Variants in COLEC12 observed in about 807,000 individuals in gnomAD.
The protein encoded by COLEC12 is collectin subfamily member 12, also known as collectin-12.
Under a neutral mutation model 71.1 loss-of-function variants are expected in COLEC12, and 33 were observed. The observed-to-expected ratio is 0.46, with a 90% confidence interval of 0.35 to 0.62. The LOEUF (loss-of-function observed/expected upper bound fraction) is 0.62, where lower values mean the gene tolerates loss of function less well. COLEC12 is among the 20% of genes least tolerant of loss of function. The pLI, the probability that COLEC12 is intolerant of heterozygous loss-of-function variation, is 0.00. For synonymous variants in COLEC12, 350 were observed against 353.0 expected (o/e 0.99, Z 0.10); for missense variants, 765 against 916.1 (o/e 0.84, Z 2.13).
chr18:498,357 T>TTTTTCTTTTC, intron 1 of COLEC12, among the ~76,000 whole-genome samples: 1 of 144,420 alleles, frequency 6.9e-6, no homozygotes, highest in South Asian at 2.2e-4. Context: ...ATGGAATATT[T>TTTTTCTTTTC]TTTTTCTTTT....
rs549717375 is a variant in COLEC12 at position 391,058 on chromosome 18, G to A, written c.59-33536C>T. ...TTTTTTTACAAAAACCTGAATTTCCGGTTTTATTACAAAGCCATTTCTAAA... is the reference window on the plus strand; with the variant it reads ...TTTTTTTACAAAAACCTGAATTTCCAGTTTTATTACAAAGCCATTTCTAAA... On this transcript the variant is annotated intron_variant, in intron 2 of 9. Coordinates refer to ENST00000400256, the MANE Select transcript of COLEC12 (RefSeq NM_130386.3). 1.8e-3 allele frequency among the ~76,000 whole-genome samples: 278 copies of A among 152,208 alleles called. 2 individuals carry two copies. Among genetic ancestry groups the A allele is most frequent in the Non-Finnish European group, 3.5e-3 (239 of 68,022 alleles).
chr18:480,642 C>G lies in COLEC12; in HGVS notation c.58+65G>C, dbSNP rs1917395687. 1.4e-6 allele frequency: 2 copies of G among 1,427,738 alleles called. No homozygotes were observed. Among genetic ancestry groups the G allele is most frequent in the Admixed American group, 3.3e-5 (2 of 59,828 alleles). The allele number at this position is 1,427,738 out of a possible 1,614,324, so 88.4% of individuals were successfully genotyped here. On this transcript the variant is annotated intron_variant, in intron 2 of 9. Coordinates refer to ENST00000400256, the MANE Select transcript of COLEC12 (RefSeq NM_130386.3). The surrounding 1 kb of genome is among the most constrained non-coding windows in gnomAD (Gnocchi z 4.1). The stretch of plus-strand genomic sequence containing the variant: ...CCTGCCAGTGGCCTGCCAATGGTCT[C>G]TGAGGGTTCGTGGCTGCATCCCAGG...
chr18:349,264 G>A lies in COLEC12; in HGVS notation c.182-1101C>T, dbSNP rs150438045. Among the ~76,000 whole-genome samples the A allele has an allele frequency of 4.6e-3, 694 of 152,352 alleles. 7 individuals are homozygous for A. The highest frequency in any genetic ancestry group is 0.015 in the African/African-American group (614 of 41,578). Reference sequence around the variant, plus strand: ...CTTCCCAGCCACTCCAGCCATGGCTGAAAGGGGCCAATGTGGAGCTGGGGC... The same window carrying A: ...CTTCCCAGCCACTCCAGCCATGGCTAAAAGGGGCCAATGTGGAGCTGGGGC... On this transcript the variant is annotated intron_variant, in intron 3 of 9. Transcript: ENST00000400256.
At chr18:338,438 C>T (rs529826029) in intron 5 of COLEC12, among the ~76,000 whole-genome samples, 38 of 152,274 alleles carry the variant, frequency 2.5e-4, no homozygotes, top group African/African-American at 8.7e-4. Context: ...CCTGGTGCCC[C>T]GCATCTTATA....
chr18:384,525 G>C (rs566836508), intron 2 of COLEC12, among the ~76,000 whole-genome samples: 2 of 152,306 alleles, frequency 1.3e-5, no homozygotes, highest in South Asian at 2.1e-4. Flanking sequence ...GTGGGAACTA[G>C]AGAAAATTGA....
chr18:487,367 G>A (rs1917538995), intron 1 of COLEC12, among the ~76,000 whole-genome samples: 1 of 152,158 alleles, frequency 6.6e-6, no homozygotes, highest in South Asian at 2.1e-4. Flanking sequence ...TTTCTTTTTA[G>A]GGTGGTGAAA....
intron 2 of COLEC12, among the ~76,000 whole-genome samples, chr18:422,750 T>C (rs534286054): frequency 3.0e-4 from 45 of 152,318 alleles, no homozygotes; most frequent in African/African-American, 9.4e-4. Context: ...CATGTACATA[T>C]GGAAGTATGG....
At position 334,871 on chromosome 18, in the gene COLEC12, C is replaced by T. The variant is rs768728650; in HGVS notation, c.1687G>A (p.Gly563Arg). The T allele has an allele frequency of 6.6e-7, 1 of 1,524,138 alleles. No individual in the cohort carries two copies. Among genetic ancestry groups the T allele is most frequent in the Non-Finnish European group, 8.7e-7 (1 of 1,146,144 alleles). The allele number at this position is 1,524,138 out of a possible 1,614,324, so 94.4% of individuals were successfully genotyped here. ...VGEPGVPGPR[G>R]LPGLPGVPGM... is the part of the protein sequence containing the mutation. ...GGTACCCCAGGCAAGCCTGGCAGTCCCCGAGGTCCAGGCACCCCAGGCTCC... is the reference window on the plus strand; with the variant it reads ...GGTACCCCAGGCAAGCCTGGCAGTCTCCGAGGTCCAGGCACCCCAGGCTCC... Residue 563 changes from glycine (G) to arginine (R), a missense_variant, in exon 6 of 10, where the codon GGA becomes AGA. By Grantham distance (125) the Gly-to-Arg change is moderately radical. Transcript: ENST00000400256.
intron 2 of COLEC12, among the ~76,000 whole-genome samples, chr18:449,575 C>T (rs1442523441): frequency 6.6e-6 from 1 of 152,204 alleles, no homozygotes; most frequent in Admixed American, 6.5e-5. Context: ...ACTCACTAGG[C>T]AGCCACGGAG....
At chr18:387,887 T>C (rs915864206) in intron 2 of COLEC12, among the ~76,000 whole-genome samples, 10 of 152,234 alleles carry the variant, frequency 6.6e-5, no homozygotes, top group African/African-American at 2.2e-4. Flanking sequence ...TTCCACTGAT[T>C]ACTTTTTATG....
rs2143771856 is a variant in COLEC12 at position 480,793 on chromosome 18, C to A, written c.8-36G>T. ...AGAAGAGACACGATGTTAATCCTGG[C>A]AAGGGGCACAGAAGCAGAGGGTGGG... On this transcript the variant is annotated intron_variant, in intron 1 of 9. Transcript: ENST00000400256. The surrounding 1 kb of genome is among the most constrained non-coding windows in gnomAD (Gnocchi z 4.1). 1 of 1,590,248 alleles carries A rather than the reference C, an allele frequency of 6.3e-7. No homozygotes were observed. The highest frequency in any genetic ancestry group is 8.6e-7 in the Non-Finnish European group (1 of 1,158,152).
intron 2 of COLEC12, among the ~76,000 whole-genome samples, chr18:467,865 T>TTTTTTTTTTTTTTTTTTTTTTGA (rs1917116785): frequency 6.6e-6 from 1 of 152,090 alleles, no homozygotes; most frequent in African/African-American, 2.4e-5. Flanking sequence ...TGACAATTTT[T>TTTTTTTTTTTTTTTTTTTTTTGA]GCCAACTAAA....
chr18:340,108 T>C (rs1228483053), intron 5 of COLEC12, among the ~76,000 whole-genome samples: 1 of 142,492 alleles, frequency 7.0e-6, no homozygotes, highest in Non-Finnish European at 1.5e-5. Context: ...GAACAGAGTG[T>C]TTATGAGCTT....
At chr18:441,997 C>T (rs931617327) in intron 2 of COLEC12, among the ~76,000 whole-genome samples, 1 of 121,508 alleles carries the variant, frequency 8.2e-6, no homozygotes, top group Non-Finnish European at 1.7e-5. Flanking sequence ...GAGACTCTCT[C>T]TCTCTACACA....
chr18:341,070 A>G (rs1229604212), intron 5 of COLEC12, among the ~76,000 whole-genome samples: 1 of 152,192 alleles, frequency 6.6e-6, no homozygotes, highest in East Asian at 1.9e-4. Flanking sequence ...CCCACATTGC[A>G]CTGTCCCCTG....
At chr18:415,548 T>C (rs1182342824) in intron 2 of COLEC12, among the ~76,000 whole-genome samples, 1 of 75,402 alleles carries the variant, frequency 1.3e-5, no homozygotes, top group Non-Finnish European at 3.7e-5. Context: ...TGAACTATAA[T>C]TGTTTACCTG....
intron 2 of COLEC12, chr18:423,763 GT>G (rs1245032162): frequency 5.3e-5 from 8 of 150,968 alleles, no homozygotes; most frequent in East Asian, 2.0e-4. Context: ...TTTTTGTTTT[GT>G]TTTTTTTTCC....
intron 2 of COLEC12, among the ~76,000 whole-genome samples, chr18:403,308 T>C (rs1336131301): frequency 6.6e-6 from 1 of 152,140 alleles, no homozygotes; most frequent in Non-Finnish European, 1.5e-5. Flanking sequence ...TCAAAGTCTC[T>C]GGGTTTGGAA....
intron 2 of COLEC12, among the ~76,000 whole-genome samples, chr18:430,857 G>A (rs1273473307): frequency 6.6e-6 from 1 of 151,744 alleles, no homozygotes; most frequent in Non-Finnish European, 1.5e-5. Flanking sequence ...TAACCCAAGG[G>A]GCCACAATTT....
Sources: allele counts gnomAD v4.1 joint callset (sites outside exome capture counted in the v4.1 genomes callset), GRCh38; gene constraint gnomAD v4.1.1; non-coding constraint Gnocchi (gnomAD v3.1); transcripts MANE v1.5; gene names NCBI Gene and HGNC (gene_info 2026-07-23, HGNC 2026-07-21).